The following AUTS2 variants were observed in gnomAD, a reference collection of about 807,000 sequenced individuals.
AUTS2 encodes the protein autism susceptibility gene 2 protein.
A neutral mutation model predicts 112.4 loss-of-function variants in AUTS2; 17 were observed. That is an observed-to-expected ratio of 0.15 (90% CI 0.10 to 0.23). The LOEUF is 0.23. Ranked by LOEUF, AUTS2 falls within the 10% of genes least tolerant of loss-of-function variation. AUTS2 has a pLI of 1.00. For missense variants in AUTS2, 1,510 were observed against 1,701.6 expected (o/e 0.89, Z 1.98); for synonymous variants, 751 against 702.7 (o/e 1.07, Z -1.09).
intron 5 of AUTS2, among the ~76,000 whole-genome samples, chr7:70,504,887 A>G (rs981115794): frequency 1.3e-5 from 2 of 152,260 alleles, no homozygotes; most frequent in African/African-American, 4.8e-5. Context: ...CAGGGCCCAC[A>G]GGAGCTCTGA....
chr7:70,450,889 G>T (rs1258266140), intron 5 of AUTS2, among the ~76,000 whole-genome samples: 2 of 152,166 alleles, frequency 1.3e-5, no homozygotes, highest in African/African-American at 4.8e-5. Context: ...GATGACTCAG[G>T]TTTCAAGTCA....
intron 4 of AUTS2, among the ~76,000 whole-genome samples, chr7:70,311,804 C>G (rs746704375): frequency 6.6e-6 from 1 of 152,124 alleles, no homozygotes; most frequent in Admixed American, 6.5e-5. Flanking sequence ...GCAAGCTCCG[C>G]CTCCCGGGTT....
chr7:69,611,917 A>G (rs2129079927), intron 1 of AUTS2, among the ~76,000 whole-genome samples: 1 of 125,898 alleles, frequency 7.9e-6, no homozygotes, highest in South Asian at 2.8e-4. Flanking sequence ...GGCCTGGGCG[A>G]CAGAGCGAGA....
In AUTS2 at chr7:69,707,419, GGATTGCTT is replaced by G. The variant is rs567083115; in HGVS notation, c.309+107468_309+107475del. Among the ~76,000 whole-genome samples, 25 of 152,246 alleles carry G rather than the reference GGATTGCTT, an allele frequency of 1.6e-4. No homozygotes were observed. The East Asian group carries it at 1.7e-3, about 11-fold the overall frequency. On this transcript the variant is annotated intron_variant, in intron 1 of 18. Coordinates refer to ENST00000342771, the MANE Select transcript of AUTS2 (RefSeq NM_015570.4). ...GAACTCAGAGTATGCTGCTAATAAA[GGATTGCTT>G]GATTGCTTGAAGGGTATGCAGGTGT... is the stretch of plus-strand genomic sequence containing the variant.
At chr7:70,424,441 T>C (rs369878282) in intron 4 of AUTS2, among the ~76,000 whole-genome samples, 23 of 152,298 alleles carry the variant, frequency 1.5e-4, no homozygotes, top group East Asian at 1.3e-3. Context: ...AACATGAACT[T>C]TGAAGGACAT....
At chr7:69,968,933 T>C (rs1028016023) in intron 2 of AUTS2, among the ~76,000 whole-genome samples, 17 of 152,176 alleles carry the variant, frequency 1.1e-4, no homozygotes, top group African/African-American at 4.1e-4. Flanking sequence ...AATTACAGGA[T>C]TTTTATTTAA....
intron 4 of AUTS2, among the ~76,000 whole-genome samples, chr7:70,147,298 G>A (rs766242185): frequency 2.6e-5 from 4 of 151,506 alleles, no homozygotes; most frequent in Admixed American, 6.6e-5. Context: ...TAATAATGAC[G>A]GAAGTAGGCA....
chr7:69,923,151 T>C (rs1183891544), intron 2 of AUTS2, among the ~76,000 whole-genome samples: 1 of 152,180 alleles, frequency 6.6e-6, no homozygotes, highest in Admixed American at 6.5e-5. Flanking sequence ...GATTTTAAGT[T>C]TTGAATATGG....
intron 2 of AUTS2, among the ~76,000 whole-genome samples, chr7:70,056,904 C>T (rs1290832044): frequency 6.6e-6 from 1 of 152,202 alleles, no homozygotes; most frequent in East Asian, 1.9e-4. Context: ...GCTCAATTTA[C>T]AAACCTTTCT....
At chr7:70,414,483 G>A (rs938054041) in intron 4 of AUTS2, among the ~76,000 whole-genome samples, 1 of 152,140 alleles carries the variant, frequency 6.6e-6, no homozygotes, top group Non-Finnish European at 1.5e-5. Context: ...GAACTGGGAG[G>A]CAGGAGGCAT....
chr7:70,068,914 G>T (rs527882653), intron 2 of AUTS2, among the ~76,000 whole-genome samples: 1 of 152,336 alleles, frequency 6.6e-6, no homozygotes, highest in Non-Finnish European at 1.5e-5. Context: ...GATAAGTAGT[G>T]ATAATCCAGA....
At chr7:69,741,779 A>G (rs1271163286) in intron 1 of AUTS2, among the ~76,000 whole-genome samples, 3 of 148,934 alleles carry the variant, frequency 2.0e-5, no homozygotes, top group Non-Finnish European at 4.5e-5. Flanking sequence ...TCATACTGCC[A>G]CCCCAACCTA....
At chr7:70,786,572 G>T (rs967455011) in intron 17 of AUTS2, among the ~76,000 whole-genome samples, 11 of 152,138 alleles carry the variant, frequency 7.2e-5, no homozygotes, top group Non-Finnish European at 1.3e-4. Context: ...TCTCGATTAG[G>T]AGAAGAATTA....
chr7:69,787,935 AC>A (rs1789450334), intron 1 of AUTS2, among the ~76,000 whole-genome samples: 1 of 152,158 alleles, frequency 6.6e-6, no homozygotes, highest in African/African-American at 2.4e-5. Context: ...ATGAAGTGGA[AC>A]TTTTATTAAG....
intron 1 of AUTS2, among the ~76,000 whole-genome samples, chr7:69,815,292 C>T (rs1790708411): frequency 2.0e-5 from 3 of 152,012 alleles, no homozygotes. Context: ...GGGGTTTTCT[C>T]CCTTGGACTT....
intron 5 of AUTS2, among the ~76,000 whole-genome samples, chr7:70,529,492 C>T (rs941689780): frequency 4.6e-5 from 7 of 152,188 alleles, no homozygotes; most frequent in Admixed American, 2.6e-4. Context: ...TGTATTCAGA[C>T]CCTCTGCTCT....
chr7:69,813,507 A>T (rs567813422), intron 1 of AUTS2, among the ~76,000 whole-genome samples: 3 of 152,040 alleles, frequency 2.0e-5, no homozygotes, highest in Non-Finnish European at 4.4e-5. Context: ...AAATTATTTA[A>T]CCTTTCTAAG....
intron 4 of AUTS2, among the ~76,000 whole-genome samples, chr7:70,287,240 G>A (rs1243463992): frequency 6.6e-6 from 1 of 152,082 alleles, no homozygotes; most frequent in African/African-American, 2.4e-5. Context: ...AATAGGGTGT[G>A]GTCCTATGAT....
intron 1 of AUTS2, among the ~76,000 whole-genome samples, chr7:69,686,339 A>G (rs1797064246): frequency 6.6e-6 from 1 of 152,216 alleles, no homozygotes; most frequent in African/African-American, 2.4e-5. Flanking sequence ...CATAATAGAA[A>G]GTAACACATC....
Sources: allele counts gnomAD v4.1 joint callset (sites outside exome capture counted in the v4.1 genomes callset), GRCh38; gene constraint gnomAD v4.1.1; transcripts MANE v1.5; gene names NCBI Gene and HGNC (gene_info 2026-07-23, HGNC 2026-07-21).